The following CADM2 variants were observed in gnomAD, a reference collection of about 807,000 sequenced individuals.
The protein encoded by CADM2 is immunoglobulin superfamily member 4D.
A neutral mutation model predicts 49.8 loss-of-function variants in CADM2; 12 were observed. That is an observed-to-expected ratio of 0.24 (90% confidence interval 0.15 to 0.39). CADM2 has a LOEUF of 0.39. Ranked by LOEUF, CADM2 falls within the 10% of genes least tolerant of loss-of-function variation. CADM2 has a pLI of 1.00. For synonymous variants in CADM2, 214 were observed against 175.4 expected (o/e 1.22, Z -1.74); for missense variants, 378 against 492.3 (o/e 0.77, Z 2.20).
intron 6 of CADM2, among the ~76,000 whole-genome samples, chr3:85,929,324 A>G (rs1351647994): frequency 1.3e-5 from 2 of 152,118 alleles, no homozygotes; most frequent in East Asian, 3.9e-4. Flanking sequence ...CCCAATTTCA[A>G]TCATTTGAAA....
At chr3:85,729,910 A>T (rs1020569222) in intron 2 of CADM2, among the ~76,000 whole-genome samples, 5 of 152,172 alleles carry the variant, frequency 3.3e-5, no homozygotes, top group Non-Finnish European at 7.3e-5. Flanking sequence ...ACCCTGCTGA[A>T]TATTTCCACT....
At chr3:85,212,122 A>T (rs2041793810) in intron 1 of CADM2, among the ~76,000 whole-genome samples, 2 of 151,896 alleles carry the variant, frequency 1.3e-5, no homozygotes, top group African/African-American at 4.8e-5. Context: ...GTTTCCATCT[A>T]CATGGAAATT....
intron 1 of CADM2, among the ~76,000 whole-genome samples, chr3:85,126,787 A>C: frequency 6.6e-6 from 1 of 152,126 alleles, no homozygotes; most frequent in East Asian, 1.9e-4. Flanking sequence ...TATCATTTTT[A>C]CTTATTTCAT....
rs577809382 is a variant in CADM2, at chr3:85,657,451, T to G, written c.62-69071T>G. ...CTTCTAGTTATAAGCCACAGAAATC[T>G]TAGTCAAATTACCATGAGAAAAGAG... On this transcript the variant is annotated intron_variant, in intron 1 of 9. Coordinates refer to ENST00000383699, the MANE Select transcript of CADM2 (RefSeq NM_001167675.2). Among the ~76,000 whole-genome samples, 75 of 152,136 alleles carry G rather than the reference T, an allele frequency of 4.9e-4. No homozygotes were observed. The Middle Eastern group carries it at 0.014, about 28-fold the overall frequency.
chr3:86,033,982 A>C (rs1734858353), intron 8 of CADM2, among the ~76,000 whole-genome samples: 1 of 151,410 alleles, frequency 6.6e-6, no homozygotes, highest in South Asian at 2.1e-4. Flanking sequence ...TCTAGCACCC[A>C]CTCTGCGTAT....
chr3:85,555,052 T>TA (rs970038103), intron 1 of CADM2, among the ~76,000 whole-genome samples: 2 of 121,606 alleles, frequency 1.6e-5, no homozygotes, highest in Admixed American at 9.1e-5. Context: ...TGAGTCAACT[T>TA]AAAATCTGGT....
intron 3 of CADM2, among the ~76,000 whole-genome samples, chr3:85,813,263 C>A (rs560433399): frequency 2.2e-4 from 33 of 152,318 alleles, no homozygotes; most frequent in African/African-American, 7.7e-4. Flanking sequence ...GTGATGGTAT[C>A]TCACTGTGGT....
At chr3:85,331,185 A>G (rs2107150316) in intron 1 of CADM2, among the ~76,000 whole-genome samples, 1 of 152,090 alleles carries the variant, frequency 6.6e-6, no homozygotes, top group East Asian at 1.9e-4. Flanking sequence ...TTTCTTTACC[A>G]TAGTTGCCCT....
At chr3:85,833,571 GTTTCCAGAAATTTAT>G (rs1194564728) in intron 3 of CADM2, among the ~76,000 whole-genome samples, 2 of 151,518 alleles carry the variant, frequency 1.3e-5, no homozygotes, top group African/African-American at 4.8e-5. Flanking sequence ...GAGGTTGTGT[GTTTCCAGAAATTTAT>G]TTATTTCCTC....
intron 3 of CADM2, among the ~76,000 whole-genome samples, chr3:85,868,448 C>T (rs2075800872): frequency 6.6e-6 from 1 of 152,026 alleles, no homozygotes; most frequent in Non-Finnish European, 1.5e-5. Flanking sequence ...TCAATTCTTA[C>T]CTATAATTGA....
intron 1 of CADM2, among the ~76,000 whole-genome samples, chr3:85,191,022 G>T (rs2041195039): frequency 6.6e-6 from 1 of 151,818 alleles, no homozygotes; most frequent in Admixed American, 6.6e-5. Context: ...AAAAGGAATG[G>T]GTGTAGTTCA....
intron 6 of CADM2, among the ~76,000 whole-genome samples, chr3:85,913,186 G>T (rs971772199): frequency 5.3e-5 from 8 of 152,156 alleles, no homozygotes; most frequent in Non-Finnish European, 1.0e-4. Flanking sequence ...CAAGGATTCT[G>T]AAGATTATGG....
chr3:85,293,901 C>G (rs968897928), intron 1 of CADM2, among the ~76,000 whole-genome samples: 1 of 151,800 alleles, frequency 6.6e-6, no homozygotes, highest in Non-Finnish European at 1.5e-5. Flanking sequence ...CCCTCCCTCA[C>G]CACTCCTATT....
chr3:85,495,977 G>T (rs1352970173), intron 1 of CADM2, among the ~76,000 whole-genome samples: 1 of 152,100 alleles, frequency 6.6e-6, no homozygotes, highest in Non-Finnish European at 1.5e-5. Context: ...TGCTGCAAAA[G>T]CCTCAACAGC....
At chr3:85,015,408 A>G (rs1371763695) in intron 1 of CADM2, among the ~76,000 whole-genome samples, 8 of 152,262 alleles carry the variant, frequency 5.3e-5, no homozygotes, top group East Asian at 1.9e-4. Flanking sequence ...TCATGATTAT[A>G]TTACTCCATT....
chr3:84,959,656 C>T lies in CADM2; in HGVS notation c.49C>T (p.Leu17Phe). Reference sequence around the variant, plus strand: ...TCTCCGCTTCTACAGTGTCTGCGGGCTCCTGCTACAAGGTAATCCCCGCCC... The same window carrying T: ...TCTCCGCTTCTACAGTGTCTGCGGGTTCCTGCTACAAGGTAATCCCCGCCC... ...AVLRFYSVCG[L>F]LLQAAASKNK... Residue 17 changes from leucine to phenylalanine, a missense_variant, in exon 1 of 10, where the codon CTC becomes TTC. Coordinates refer to ENST00000383699, the MANE Select transcript of CADM2 (RefSeq NM_001167675.2). The T allele has an allele frequency of 6.5e-7, 1 of 1,537,142 alleles. No individual in the cohort carries two copies. The highest frequency in any genetic ancestry group is 8.7e-7 in the Non-Finnish European group (1 of 1,146,866).
chr3:85,365,893 A>G (rs2032748383), intron 1 of CADM2, among the ~76,000 whole-genome samples: 1 of 152,152 alleles, frequency 6.6e-6, no homozygotes, highest in Non-Finnish European at 1.5e-5. Flanking sequence ...TTAGGTTCAC[A>G]CCACGCAATC....
chr3:85,383,659 A>C (rs1182449586), intron 1 of CADM2, among the ~76,000 whole-genome samples: 3 of 150,018 alleles, frequency 2.0e-5, no homozygotes, highest in East Asian at 3.9e-4. Context: ...AAGGTTAACC[A>C]GTCGTTTGAA....
chr3:85,268,630 A>G (rs982360168), intron 1 of CADM2, among the ~76,000 whole-genome samples: 1 of 151,264 alleles, frequency 6.6e-6, no homozygotes, highest in Non-Finnish European at 1.5e-5. Context: ...GCAAACATAC[A>G]TATATACTCT....
Sources: gnomAD v4.1 joint callset for allele counts (sites outside exome capture counted in the v4.1 genomes callset) on GRCh38, gnomAD v4.1.1 for gene constraint, MANE v1.5 for transcripts, NCBI Gene and HGNC (gene_info 2026-07-23, HGNC 2026-07-21) for gene names.